TSEN15: variants seen among roughly 807,000 people sequenced by gnomAD.
The protein encoded by TSEN15 is tRNA-splicing endonuclease subunit Sen15.
TSEN15 carries 10 observed loss-of-function variants against 20.5 expected under a neutral mutation model. The ratio of observed to expected loss-of-function variants is 0.49; its 90% CI spans 0.30 to 0.83. The LOEUF is 0.83. Ranked by LOEUF, TSEN15 falls within the 40% of genes least tolerant of loss-of-function variation. The pLI is 0.06. For missense variants in TSEN15, 180 were observed against 218.6 expected (o/e 0.82, Z 1.11); for synonymous variants, 72 against 80.1 (o/e 0.90, Z 0.54).
chr1:184,054,502 A>T (rs1277818230), intron 2 of TSEN15, 67 bp downstream of exon 2: 1 of 1,301,652 alleles, frequency 7.7e-7, no homozygotes, highest in Non-Finnish European at 1.1e-6. Context: ...TTGGATTGGG[A>T]TATAGCATTC....
At chr1:184,095,147 C>G (rs1021353929) in intron 3 of TSEN15, 1 of 398,338 alleles carries the variant, frequency 2.5e-6, no homozygotes, top group Admixed American at 4.4e-5. Flanking sequence ...TAACCCATGA[C>G]TTGTTTGACT....
rs1248080745 is a variant in TSEN15, at chr1:184,089,422, A to T, written c.354-6268A>T. On this transcript the variant is annotated intron_variant, in intron 3 of 3. Coordinates refer to the TSEN15 transcript ENST00000643231. ...CCACTTCTGGAAGGTGAGCAGACCT[A>T]TGTGAGGTATTGAGACCCTTCCCCC... is the stretch of plus-strand genomic sequence containing the variant. Among the ~76,000 whole-genome samples, 8 of 152,286 alleles carry T rather than the reference A, an allele frequency of 5.3e-5. No homozygotes were observed. The East Asian group carries it at 1.5e-3, about 29-fold the overall frequency.
At chr1:184,083,896 C>CA (rs1304577870) in intron 3 of TSEN15, among the ~76,000 whole-genome samples, 2 of 152,142 alleles carry the variant, frequency 1.3e-5, no homozygotes, top group African/African-American at 4.8e-5. Flanking sequence ...TTCTCACCCT[C>CA]ACGCTCATCA....
At chr1:184,065,831 G>C (rs1650634433) in intron 3 of TSEN15, among the ~76,000 whole-genome samples, 1 of 152,036 alleles carries the variant, frequency 6.6e-6, no homozygotes, top group Admixed American at 6.5e-5. Context: ...CAGATTTTTT[G>C]CCCATTTTTA....
intron 3 of TSEN15, among the ~76,000 whole-genome samples, chr1:184,071,497 G>A (rs1184481048): frequency 1.3e-5 from 2 of 152,060 alleles, no homozygotes; most frequent in Admixed American, 6.5e-5. Context: ...GCATAAAGGT[G>A]GAGGAAAGGA....
chr1:184,068,622 T>C (rs79580309), intron 3 of TSEN15, among the ~76,000 whole-genome samples: 1 of 152,152 alleles, frequency 6.6e-6, no homozygotes, highest in Non-Finnish European at 1.5e-5. Flanking sequence ...GCTGCCTTGA[T>C]TTTTTACTAG....
intron 3 of TSEN15, among the ~76,000 whole-genome samples, chr1:184,085,363 A>G (rs1456528040): frequency 6.6e-6 from 1 of 152,240 alleles, no homozygotes; most frequent in African/African-American, 2.4e-5. Flanking sequence ...AGTGGGGGAT[A>G]TAAGGACCTT....
chr1:184,051,847 C>G lies in TSEN15; in HGVS notation c.92C>G (p.Pro31Arg). The G allele has an allele frequency of 6.4e-7, 1 of 1,551,864 alleles. No homozygotes were observed. Among genetic ancestry groups the G allele is most frequent in the Non-Finnish European group, 8.7e-7 (1 of 1,148,658 alleles). The part of the protein sequence containing the change: ...VRGFGDGGGA[P>R]SWAPEDAWMG... ...GGCTTTGGCGACGGCGGTGGAGCTC[C>G]TTCGTGGGCCCCTGAGGACGCCTGG... The change falls in exon 1 of 5, where the codon CCT becomes CGT. Residue 31 changes from proline to arginine, a missense_variant. Physicochemically the swap from Pro to Arg is moderately radical, Grantham distance 103 (BLOSUM62 -2). Coordinates refer to ENST00000645668, the MANE Select transcript of TSEN15 (RefSeq NM_052965.4).
At chr1:184,093,104 A>G (rs1017796441) in intron 3 of TSEN15, among the ~76,000 whole-genome samples, 10 of 152,178 alleles carry the variant, frequency 6.6e-5, no homozygotes, top group African/African-American at 2.4e-4. Context: ...CTTTCCGATC[A>G]ATTCTGTTAC....
downstream of TSEN15, among the ~76,000 whole-genome samples, chr1:184,078,075 G>T (rs1572719153): frequency 6.6e-6 from 1 of 152,204 alleles, no homozygotes; most frequent in South Asian, 2.1e-4. Context: ...GTGAAAGGAG[G>T]AGTCAATGAT....
intron 3 of TSEN15, among the ~76,000 whole-genome samples, chr1:184,061,505 A>G (rs1209161214): frequency 1.3e-5 from 2 of 152,164 alleles, no homozygotes; most frequent in East Asian, 1.9e-4. Context: ...GACAAATTTT[A>G]TAATCTGTTG....
intron 3 of TSEN15, among the ~76,000 whole-genome samples, chr1:184,091,060 AC>A (rs1651347280): frequency 6.6e-6 from 1 of 152,170 alleles, no homozygotes; most frequent in South Asian, 2.1e-4. Flanking sequence ...AGGCCTCATC[AC>A]CTTTACGGAA....
At chr1:184,059,876 C>T (rs956525527) in intron 3 of TSEN15, among the ~76,000 whole-genome samples, 1 of 152,186 alleles carries the variant, frequency 6.6e-6, no homozygotes, top group African/African-American at 2.4e-5. Flanking sequence ...TGGCCTATCC[C>T]TTCATCTCTA....
intron 3 of TSEN15, among the ~76,000 whole-genome samples, chr1:184,090,147 A>G (rs1043567335): frequency 1.3e-5 from 2 of 152,266 alleles, no homozygotes; most frequent in Non-Finnish European, 2.9e-5. Context: ...CAATAAAAAG[A>G]ACAAGCTACT....
At chr1:184,056,611 C>T (rs934803045) in intron 3 of TSEN15, among the ~76,000 whole-genome samples, 6 of 152,054 alleles carry the variant, frequency 3.9e-5, no homozygotes, top group South Asian at 2.1e-4. Context: ...TTCTATCTAA[C>T]GGTCTAAAAA....
At chr1:184,084,051 C>T (rs1157592541) in intron 3 of TSEN15, among the ~76,000 whole-genome samples, 1 of 152,056 alleles carries the variant, frequency 6.6e-6, no homozygotes, top group African/African-American at 2.4e-5. Context: ...TTCAGAAAAC[C>T]AACAGTGACA....
intron 3 of TSEN15, among the ~76,000 whole-genome samples, chr1:184,067,880 A>T (rs2102890227): frequency 7.0e-6 from 1 of 143,834 alleles, no homozygotes; most frequent in African/African-American, 2.6e-5. Flanking sequence ...CCAAGGTCAC[A>T]CCACTGTGCT....
chr1:184,064,206 G>A (rs1303226890), intron 3 of TSEN15, among the ~76,000 whole-genome samples: 1 of 152,144 alleles, frequency 6.6e-6, no homozygotes, highest in Non-Finnish European at 1.5e-5. Flanking sequence ...ACCTAACTTT[G>A]ACTGGTGGGA....
At chr1:184,061,980 A>G (rs1473996977) in intron 3 of TSEN15, among the ~76,000 whole-genome samples, 1 of 152,142 alleles carries the variant, frequency 6.6e-6, no homozygotes, top group African/African-American at 2.4e-5. Context: ...CACAGTTAAA[A>G]CACTTTGTCA....
Sources: gnomAD v4.1 joint callset for allele counts (sites outside exome capture counted in the v4.1 genomes callset) on GRCh38, gnomAD v4.1.1 for gene constraint, MANE v1.5 for transcripts, NCBI Gene and HGNC (gene_info 2026-07-23, HGNC 2026-07-21) for gene names.